WDR70: variants seen among roughly 807,000 people sequenced by gnomAD.
WDR70 encodes WD repeat domain 70.
A neutral mutation model predicts 88.6 loss-of-function variants in WDR70; 53 were observed. The ratio of observed to expected loss-of-function variants is 0.60; its 90% CI spans 0.48 to 0.75. WDR70 has a LOEUF of 0.75. WDR70 is among the 30% of genes least tolerant of loss of function. WDR70 has a pLI of 0.00. For missense variants in WDR70, 610 were observed against 823.2 expected (o/e 0.74, Z 3.17); for synonymous variants, 280 against 270.0 (o/e 1.04, Z -0.36).
chr5:37,715,667 G>A (rs961344868), intron 13 of WDR70, among the ~76,000 whole-genome samples: 1 of 152,066 alleles, frequency 6.6e-6, no homozygotes, highest in African/African-American at 2.4e-5. Flanking sequence ...GAGAGTGGAG[G>A]GAACAAAGAC....
intron 9 of WDR70, among the ~76,000 whole-genome samples, chr5:37,561,771 T>G (rs1006078563): frequency 1.1e-4 from 17 of 152,216 alleles, no homozygotes; most frequent in Admixed American, 7.2e-4. Flanking sequence ...TTACTGCTTT[T>G]TAGTAGTAAA....
rs550792474 is a variant in WDR70, at chr5:37,442,062, A to G, written c.553-1177A>G. Among the ~76,000 whole-genome samples the G allele has an allele frequency of 9.1e-3, 1,229 of 134,512 alleles. 17 individuals are homozygous for G. The highest frequency in any genetic ancestry group is 0.032 in the African/African-American group (1,169 of 36,574). The allele number at this position is 134,512 out of a possible 152,430, so 88.2% of individuals were successfully genotyped here. On this transcript the variant is annotated intron_variant, in intron 6 of 17. Transcript: ENST00000265107. ...TTTTTTTTTTTTTTTTTTTTGAGAC[A>G]GGGTTTCACCTTGTTGCCCAGTTGG...
intron 10 of WDR70, among the ~76,000 whole-genome samples, chr5:37,647,623 C>T (rs766954213): frequency 1.8e-4 from 28 of 152,322 alleles, no homozygotes; most frequent in African/African-American, 4.3e-4. Context: ...TGGTGGCTCT[C>T]GCACACTCAT....
At chr5:37,393,251 A>G (rs1281725854) in intron 4 of WDR70, among the ~76,000 whole-genome samples, 6 of 151,970 alleles carry the variant, frequency 3.9e-5, no homozygotes, top group African/African-American at 1.5e-4. Flanking sequence ...CATGTTGGCC[A>G]GGCTGGTCTT....
chr5:37,461,636 A>C (rs1248683386), intron 7 of WDR70, among the ~76,000 whole-genome samples: 6 of 151,870 alleles, frequency 4.0e-5, no homozygotes, highest in Admixed American at 3.3e-4. Context: ...GGTGCCCACC[A>C]CCACACCCGG....
intron 7 of WDR70, among the ~76,000 whole-genome samples, chr5:37,470,436 A>G (rs1317600889): frequency 6.6e-6 from 1 of 152,196 alleles, no homozygotes; most frequent in Admixed American, 6.5e-5. Flanking sequence ...CATCCCTGTA[A>G]TTACTACCCA....
In WDR70 at chr5:37,451,770, C is replaced by T. The variant is rs577637007; in HGVS notation, c.686+8398C>T. ...CCGCACTTTGGGAGGCCAAGGCAGGCGGATCATGAGGTGAAGAGATTAAGA... is the reference window on the plus strand; with the variant it reads ...CCGCACTTTGGGAGGCCAAGGCAGGTGGATCATGAGGTGAAGAGATTAAGA... On this transcript the variant is annotated intron_variant, in intron 7 of 17. Coordinates refer to ENST00000265107, the MANE Select transcript of WDR70 (RefSeq NM_018034.4). Among the ~76,000 whole-genome samples the T allele has an allele frequency of 1.3e-4, 20 of 152,230 alleles. No individual in the cohort carries two copies. In the South Asian group the frequency reaches 3.5e-3, roughly 27 times the overall value.
intron 17 of WDR70, among the ~76,000 whole-genome samples, chr5:37,750,643 A>G (rs911518430): frequency 2.0e-5 from 3 of 151,932 alleles, no homozygotes; most frequent in African/African-American, 4.8e-5. Context: ...GTAATTTCCC[A>G]TGCTGTTGTT....
At chr5:37,715,303 G>T in intron 13 of WDR70, among the ~76,000 whole-genome samples, 1 of 142,566 alleles carries the variant, frequency 7.0e-6, no homozygotes, top group Admixed American at 7.2e-5. Context: ...AATTTTTCAG[G>T]ATAGGGAAGG....
At chr5:37,559,611 G>A (rs952280294) in intron 9 of WDR70, among the ~76,000 whole-genome samples, 9 of 152,152 alleles carry the variant, frequency 5.9e-5, no homozygotes, top group African/African-American at 1.9e-4. Context: ...TCGGGAGGAC[G>A]AGGCGGGTGG....
At position 37,444,361 on chromosome 5, in the gene WDR70, C is replaced by G. The variant is rs1310861037; in HGVS notation, c.686+989C>G. On this transcript the variant is annotated intron_variant, in intron 7 of 17. Transcript: ENST00000265107. ...CTTTTTTTTTTTTTTTTTTTTGAGA[C>G]AGGGTCTGGCTCTGTTGCCCAGGCT... Among the ~76,000 whole-genome samples the G allele has an allele frequency of 8.4e-5, 5 of 59,472 alleles. No homozygotes were observed. The Admixed American group carries it at 1.4e-3, about 16-fold the overall frequency. The allele number at this position is 59,472 out of a possible 152,430, so 39.0% of individuals were successfully genotyped here.
chr5:37,556,074 ATTATAAATAG>A (rs1242389980), intron 9 of WDR70, among the ~76,000 whole-genome samples: 1 of 151,648 alleles, frequency 6.6e-6, no homozygotes, highest in East Asian at 1.9e-4. Context: ...ACTTTTCTCT[ATTATAAATAG>A]TATTGTTAAA....
At chr5:37,535,932 A>C (rs1220856293) in intron 9 of WDR70, among the ~76,000 whole-genome samples, 3 of 152,224 alleles carry the variant, frequency 2.0e-5, no homozygotes, top group Non-Finnish European at 4.4e-5. Flanking sequence ...CACAAACGTG[A>C]TGATGATTGA....
intron 9 of WDR70, among the ~76,000 whole-genome samples, chr5:37,602,415 C>G (rs561441505): frequency 1.7e-4 from 26 of 151,272 alleles, no homozygotes; most frequent in African/African-American, 5.8e-4. Flanking sequence ...TTGAGACCAG[C>G]CTGCAACATG....
At chr5:37,540,516 G>C (rs1741786392) in intron 9 of WDR70, among the ~76,000 whole-genome samples, 1 of 152,102 alleles carries the variant, frequency 6.6e-6, no homozygotes, top group Admixed American at 6.5e-5. Flanking sequence ...TGAGTAGCTG[G>C]GATTACAGGC....
At chr5:37,602,786 G>A (rs1162277846) in intron 9 of WDR70, among the ~76,000 whole-genome samples, 1 of 150,950 alleles carries the variant, frequency 6.6e-6, no homozygotes, top group Non-Finnish European at 1.5e-5. Flanking sequence ...AGACCAGCCT[G>A]ACCAACATGG....
intron 9 of WDR70, among the ~76,000 whole-genome samples, chr5:37,561,777 G>A (rs1742512654): frequency 6.6e-6 from 1 of 152,188 alleles, no homozygotes; most frequent in Non-Finnish European, 1.5e-5. Context: ...CTTTTTAGTA[G>A]TAAATTAGAA....
rs914850035 is a variant in WDR70 at position 37,432,458 on chromosome 5, G to A, written c.493-5464G>A. On this transcript the variant is annotated intron_variant, in intron 5 of 17. Coordinates refer to ENST00000265107, the MANE Select transcript of WDR70 (RefSeq NM_018034.4). ...GGCTGGAGTGCAGTGGCGTGATCTC[G>A]GCTCACTGCAACCTCCGCCTCCTGA... Among the ~76,000 whole-genome samples the A allele has an allele frequency of 4.6e-5, 7 of 152,074 alleles. No individual in the cohort carries two copies. The East Asian group carries it at 5.8e-4, about 13-fold the overall frequency.
At chr5:37,447,269 A>G (rs983934934) in intron 7 of WDR70, among the ~76,000 whole-genome samples, 2 of 152,222 alleles carry the variant, frequency 1.3e-5, no homozygotes, top group Non-Finnish European at 2.9e-5. Context: ...AATGGTGATC[A>G]TTACAAAGTC....
Sources: allele counts gnomAD v4.1 joint callset (sites outside exome capture counted in the v4.1 genomes callset), GRCh38; gene constraint gnomAD v4.1.1; transcripts MANE v1.5; gene names NCBI Gene and HGNC (gene_info 2026-07-23, HGNC 2026-07-21).